HECTD2: variants seen among roughly 807,000 people sequenced by gnomAD.
HECTD2 encodes probable E3 ubiquitin-protein ligase HECTD2.
In HECTD2, 35 loss-of-function variants were observed where a neutral mutation model predicts 103.2. The observed-to-expected ratio is 0.34, with a 90% CI of 0.26 to 0.45. HECTD2 has a LOEUF of 0.45. Ranked by LOEUF, HECTD2 falls within the 20% of genes least tolerant of loss-of-function variation. The probability of loss-of-function intolerance (pLI) is 1.00; values close to 1 mark genes in which losing one functional copy is unlikely to be tolerated. For synonymous variants in HECTD2, 281 were observed against 329.9 expected, an observed-to-expected ratio of 0.85 and a Z score of 1.61; for missense variants, 596 against 937.4, an observed-to-expected ratio of 0.64 and a Z score of 4.76.
chr10:91,465,882 G>T (rs1421275580), intron 5 of HECTD2, among the ~76,000 whole-genome samples: 1 of 152,072 alleles, frequency 6.6e-6, no homozygotes, highest in African/African-American at 2.4e-5. Flanking sequence ...GAGAGGTATT[G>T]ATCTATACTT....
At position 91,514,746 on chromosome 10, in the gene HECTD2, A is replaced by C. The variant is rs1051300275; in HGVS notation, c.*2362A>C. 2.0e-5 allele frequency: 3 copies of C among 152,566 alleles called. No homozygotes were observed. The highest frequency in any genetic ancestry group is 4.4e-5 in the Non-Finnish European group (3 of 68,034). 9.5% of individuals were successfully genotyped at this position (152,566 alleles called of 1,614,324 possible). On this transcript the variant is annotated 3_prime_UTR_variant, in exon 21 of 21. Coordinates refer to ENST00000298068, the MANE Select transcript of HECTD2 (RefSeq NM_182765.6). ...CTGGATGCAATTTTTCAAATATTAA[A>C]ATTATACAGTCAGTCAGGCTTCAGT...
intron 1 of HECTD2, among the ~76,000 whole-genome samples, chr10:91,417,663 G>C (rs1359773009): frequency 6.6e-6 from 1 of 151,918 alleles, no homozygotes; most frequent in Non-Finnish European, 1.5e-5. Flanking sequence ...ATGGTTTCCA[G>C]CTTCATCCAT....
intron 1 of HECTD2, 92 bp downstream of exon 1, chr10:91,410,668 A>G: frequency 8.5e-7 from 1 of 1,181,960 alleles, no homozygotes; most frequent in East Asian, 3.3e-5. Context: ...GCCTGCGTTT[A>G]CCCTGGGCAC....
chr10:91,452,640 C>G (rs1844886248), intron 2 of HECTD2, among the ~76,000 whole-genome samples: 1 of 151,878 alleles, frequency 6.6e-6, no homozygotes, highest in African/African-American at 2.4e-5. Flanking sequence ...ATACTCAGCC[C>G]CCTCACCATG....
intron 2 of HECTD2, among the ~76,000 whole-genome samples, chr10:91,426,414 A>G (rs1460579361): frequency 6.6e-6 from 1 of 152,118 alleles, no homozygotes; most frequent in Non-Finnish European, 1.5e-5. Context: ...CATAAGCTGC[A>G]TGTGGTATAA....
At position 91,457,615 on chromosome 10, in the gene HECTD2, A is replaced by G. The variant is rs527553779; in HGVS notation, c.269-2812A>G. Among the ~76,000 whole-genome samples, 9 of 152,162 alleles carry G rather than the reference A, an allele frequency of 5.9e-5. No individual in the cohort carries two copies. In the South Asian group the frequency reaches 1.7e-3, roughly 28 times the overall value. On this transcript the variant is annotated intron_variant, in intron 2 of 20. Coordinates refer to ENST00000298068, the MANE Select transcript of HECTD2 (RefSeq NM_182765.6). Reference sequence around the variant, plus strand: ...CACCTATTCATAATGAAAAAAATTAAAACTCCCAGAAAAATAGGAAAAGAG... The same window carrying G: ...CACCTATTCATAATGAAAAAAATTAGAACTCCCAGAAAAATAGGAAAAGAG...
In HECTD2 at chr10:91,497,358, T is replaced by G. The variant is rs1846716579; in HGVS notation, c.1681-750T>G. The stretch of plus-strand genomic sequence containing the variant: ...CAGGCTAGAATGCAGTGGAACAATC[T>G]CAGCTCACTGCAACCTCCACCTCCC... On this transcript the variant is annotated intron_variant, in intron 15 of 20. Coordinates refer to ENST00000298068, the MANE Select transcript of HECTD2 (RefSeq NM_182765.6). Among the ~76,000 whole-genome samples the G allele has an allele frequency of 2.7e-5, 4 of 146,670 alleles. No individual in the cohort carries two copies. In the South Asian group the frequency reaches 8.8e-4, roughly 32 times the overall value.
chr10:91,425,336 C>T lies in HECTD2; in HGVS notation c.194C>T (p.Ala65Val), dbSNP rs752374928. 1 of 1,546,998 alleles carries T rather than the reference C, an allele frequency of 6.5e-7. No individual in the cohort carries two copies. The highest frequency in any genetic ancestry group is 8.8e-7 in the Non-Finnish European group (1 of 1,140,298). ...TCCACTTTCAGCAGTTTTATTTCAG[C>T]TGTTAGCCCGAAGAAAGAAGCTGCT... ...QISTFSSFIS[A>V]VSPKKEAAEN... The change falls in exon 2 of 21, where the codon GCT becomes GTT. Residue 65 changes from alanine to valine, a missense_variant. By Grantham distance (64) the Ala-to-Val change is moderately conservative. This residue lies in a region of HECTD2 where 220 missense variants were observed against 233.9 expected (regional missense o/e 0.94). Coordinates refer to ENST00000298068, the MANE Select transcript of HECTD2 (RefSeq NM_182765.6).
At chr10:91,413,762 C>T (rs531537107) in intron 1 of HECTD2, among the ~76,000 whole-genome samples, 23 of 152,194 alleles carry the variant, frequency 1.5e-4, no homozygotes, top group African/African-American at 4.8e-4. Context: ...AGAAATCAGG[C>T]GTGGTGGGGA....
At chr10:91,453,974 C>T (rs768753300) in intron 2 of HECTD2, among the ~76,000 whole-genome samples, 16 of 151,946 alleles carry the variant, frequency 1.1e-4, no homozygotes, top group Admixed American at 5.2e-4. Flanking sequence ...GATAATCACC[C>T]AAAATATATA....
At chr10:91,478,889 A>G (rs1381342366) in intron 6 of HECTD2, among the ~76,000 whole-genome samples, 1 of 151,984 alleles carries the variant, frequency 6.6e-6, no homozygotes. Context: ...CCTAAGTAGA[A>G]TTCTTAAATG....
chr10:91,436,903 C>T (rs1260439782), intron 2 of HECTD2, among the ~76,000 whole-genome samples: 2 of 151,926 alleles, frequency 1.3e-5, no homozygotes, highest in Admixed American at 6.6e-5. Context: ...TTCTGTTTGT[C>T]CTTATAGACT....
intron 20 of HECTD2, among the ~76,000 whole-genome samples, chr10:91,508,478 C>A (rs1294854225): frequency 1.3e-5 from 2 of 151,588 alleles, no homozygotes; most frequent in South Asian, 4.2e-4. Context: ...TGAACAGACA[C>A]TTCTCAAAAG....
At position 91,461,304 on chromosome 10, in the gene HECTD2, A is replaced by G; in HGVS notation, c.458A>G (p.Asp153Gly). 2 of 1,557,018 alleles carry G rather than the reference A, an allele frequency of 1.3e-6. No homozygotes were observed. Among genetic ancestry groups the G allele is most frequent in the Non-Finnish European group, 1.7e-6 (2 of 1,153,962 alleles). ...KSSGDWKAVH[D>G]FYLTTFDSFP... is the part of the protein sequence containing the mutation. ...TCAGGAGATTGGAAAGCAGTACATGATTTTTATCTAACAACGTTTGATTCT... is the reference window on the plus strand; with the variant it reads ...TCAGGAGATTGGAAAGCAGTACATGGTTTTTATCTAACAACGTTTGATTCT... Residue 153 changes from aspartate to glycine, a missense_variant, in exon 4 of 21, where the codon GAT becomes GGT. Asp to Gly is a moderately conservative substitution (Grantham distance 94). This residue lies in a region of HECTD2 where 220 missense variants were observed against 233.9 expected (regional missense o/e 0.94). Transcript: ENST00000298068.
At chr10:91,412,349 C>G (rs751277334) in intron 1 of HECTD2, among the ~76,000 whole-genome samples, 1 of 150,636 alleles carries the variant, frequency 6.6e-6, no homozygotes, top group African/African-American at 2.5e-5. Flanking sequence ...TACTACTAGA[C>G]AAAGAGAAGA....
intron 2 of HECTD2, among the ~76,000 whole-genome samples, chr10:91,436,883 A>G (rs1288698411): frequency 1.3e-5 from 2 of 151,932 alleles, no homozygotes; most frequent in Admixed American, 6.6e-5. Flanking sequence ...GGCTATGGCT[A>G]TTTCACCTGT....
intron 2 of HECTD2, among the ~76,000 whole-genome samples, chr10:91,436,574 T>C (rs1005216069): frequency 1.3e-5 from 2 of 151,978 alleles, no homozygotes; most frequent in African/African-American, 4.8e-5. Flanking sequence ...CCAAAGCACC[T>C]CTTTTTTACC....
At chr10:91,439,036 C>T (rs1240581970) in intron 2 of HECTD2, among the ~76,000 whole-genome samples, 1 of 152,162 alleles carries the variant, frequency 6.6e-6, no homozygotes, top group East Asian at 1.9e-4. Context: ...TGCCTCTTCA[C>T]TCTGATGATA....
chr10:91,469,282 A>G (rs1446652843), intron 5 of HECTD2, among the ~76,000 whole-genome samples: 1 of 152,210 alleles, frequency 6.6e-6, no homozygotes, highest in East Asian at 1.9e-4. Context: ...CAAGATGACC[A>G]TCCCCAAGAC....
Sources: allele counts gnomAD v4.1 joint callset (sites outside exome capture counted in the v4.1 genomes callset), GRCh38; gene constraint gnomAD v4.1.1; regional missense constraint gnomAD v4.1.1; transcripts MANE v1.5; gene names NCBI Gene and HGNC (gene_info 2026-07-23, HGNC 2026-07-21).